CD9: variants seen among roughly 807,000 people sequenced by gnomAD.
The protein encoded by CD9 is CD9 antigen.
CD9 carries 10 observed loss-of-function variants against 31.4 expected under a neutral mutation model. That is an observed-to-expected ratio of 0.32 (90% CI 0.20 to 0.54). CD9 has a LOEUF of 0.54. CD9 is among the 20% of genes least tolerant of loss of function. CD9 has a pLI of 0.94. For synonymous variants in CD9, 113 were observed against 114.1 expected, an observed-to-expected ratio of 0.99 and a Z score of 0.06; for missense variants, 259 against 300.1, an observed-to-expected ratio of 0.86 and a Z score of 1.01.
intron 2 of CD9, chr12:6,226,364 G>C (rs1450017078): frequency 1.3e-5 from 2 of 152,200 alleles, no homozygotes; most frequent in Admixed American, 1.3e-4. Flanking sequence ...CTTGGAGGTA[G>C]GAAACTTTTC....
In CD9 at chr12:6,232,430, A is replaced by G. The variant is rs1460802841; in HGVS notation, c.176-202A>G. 8.1e-6 allele frequency: 5 copies of G among 619,736 alleles called. No individual in the cohort carries two copies. Among genetic ancestry groups the G allele is most frequent in the South Asian group, 7.4e-5 (4 of 53,816 alleles). The allele number at this position is 619,736 out of a possible 1,614,324, so 38.4% of individuals were successfully genotyped here. ...GAGCTTGATGAAGCAGAGTCATGCA[A>G]GAGAGGCTGGTGGGAAGGAGACCTG... On this transcript the variant is annotated intron_variant, in intron 2 of 7. Transcript: ENST00000009180. This position sits in a 1 kb window ranked among gnomAD's most constrained non-coding sequence, Gnocchi z 4.8.
intron 3 of CD9, chr12:6,233,125 C>T (rs1946472361): frequency 1.4e-6 from 1 of 694,930 alleles, no homozygotes; most frequent in Non-Finnish European, 2.6e-6. Context: ...ATAGTAGTTG[C>T]CTGCTCACTG....
chr12:6,236,604 C>A, intron 7 of CD9: 1 of 437,194 alleles, frequency 2.3e-6, no homozygotes, highest in Admixed American at 3.9e-5. Context: ...TGCTGTTCTT[C>A]TCCCTAAGAA....
chr12:6,213,822 C>T (rs1056135975), intron 1 of CD9, among the ~76,000 whole-genome samples: 13 of 152,150 alleles, frequency 8.5e-5, no homozygotes, highest in Non-Finnish European at 1.5e-4. Flanking sequence ...GGAGAAGCTA[C>T]GGGCCAGCAT....
intron 1 of CD9, among the ~76,000 whole-genome samples, chr12:6,202,873 A>G (rs1256770897): frequency 6.6e-6 from 1 of 152,210 alleles, no homozygotes; most frequent in Non-Finnish European, 1.5e-5. Flanking sequence ...GCAGAGACAG[A>G]GCCAGTATTA....
chr12:6,208,347 G>T (rs1474557780), intron 1 of CD9, among the ~76,000 whole-genome samples: 2 of 152,148 alleles, frequency 1.3e-5, no homozygotes, highest in Non-Finnish European at 2.9e-5. Context: ...CCTCTCCTCG[G>T]AACTGAGCTT....
At chr12:6,204,451 T>C (rs1182619941) in intron 1 of CD9, among the ~76,000 whole-genome samples, 2 of 152,202 alleles carry the variant, frequency 1.3e-5, no homozygotes, top group African/African-American at 4.8e-5. Context: ...GCTTGAGTCC[T>C]CAGAACTTAG....
chr12:6,237,343 A>G (rs1284555582), intron 7 of CD9, among the ~76,000 whole-genome samples: 1 of 152,222 alleles, frequency 6.6e-6, no homozygotes, highest in Non-Finnish European at 1.5e-5. Context: ...GGATCGCACC[A>G]CAGCACTCTA....
chr12:6,207,475 G>C (rs893725678), intron 1 of CD9, among the ~76,000 whole-genome samples: 4 of 152,210 alleles, frequency 2.6e-5, no homozygotes, highest in African/African-American at 9.7e-5. Context: ...TGAGTGCTCT[G>C]TATTTCTAGT....
In CD9 at chr12:6,204,233, A is replaced by G. The variant is rs11064086; in HGVS notation, c.66+3668A>G. Among the ~76,000 whole-genome samples, 280 of 152,324 alleles carry G rather than the reference A, an allele frequency of 1.8e-3. 10 individuals carry two copies. In the East Asian group the frequency reaches 0.046, roughly 25 times the overall value. On this transcript the variant is annotated intron_variant, in intron 1 of 7. Coordinates refer to ENST00000009180, the MANE Select transcript of CD9 (RefSeq NM_001769.4). ...GTCTATGAACCCAACACCCCTACACATACCACATACAACAATAGAACTCTC... is the reference window on the plus strand; with the variant it reads ...GTCTATGAACCCAACACCCCTACACGTACCACATACAACAATAGAACTCTC...
intron 4 of CD9, 71 bp from the exon 5 acceptor site, chr12:6,235,158 C>T (rs1029194354): frequency 7.3e-6 from 8 of 1,089,886 alleles, no homozygotes; most frequent in African/African-American, 4.6e-5. Flanking sequence ...CAAGATGGAA[C>T]GCATAACATT....
In CD9 at chr12:6,225,019, C is replaced by T. The variant is rs41279078; in HGVS notation, c.67-407C>T. ...TTTATAGGCACATGTAAGCGTCTAG[C>T]TCTGTGTGCATCCCTAAACAGCATA... On this transcript the variant is annotated intron_variant, in intron 1 of 7. Coordinates refer to ENST00000009180, the MANE Select transcript of CD9 (RefSeq NM_001769.4). 31 of 170,670 alleles carry T rather than the reference C, an allele frequency of 1.8e-4. No individual in the cohort carries two copies. In the East Asian group the frequency reaches 3.2e-3, roughly 17 times the overall value. The allele number at this position is 170,670 out of a possible 1,614,324, so 10.6% of individuals were successfully genotyped here. A position where few individuals can be genotyped will look rare whatever the true frequency, so the allele number is the denominator to read the frequency against.
At chr12:6,226,570 T>C (rs1946369245) in intron 2 of CD9, among the ~76,000 whole-genome samples, 2 of 152,116 alleles carry the variant, frequency 1.3e-5, no homozygotes, top group African/African-American at 4.8e-5. Context: ...CTTTCCCACC[T>C]CTTGAACTGG....
rs564778796 is a variant in CD9, at chr12:6,218,360, T to C, written c.67-7066T>C. On this transcript the variant is annotated intron_variant, in intron 1 of 7. Transcript: ENST00000009180. ...TTTCTTTGCAGTAGGATTTGTCCCA[T>C]AGGCAAACTTGGCTTCTCCCACCCG... 8.7e-4 allele frequency among the ~76,000 whole-genome samples: 133 copies of C among 152,342 alleles called. 1 individual carries two copies. Among genetic ancestry groups the C allele is most frequent in the Middle Eastern group, 3.4e-3 (1 of 294 alleles).
Position 6,208,431 on chromosome 12 carries a change from A to T in CD9, c.66+7866A>T, listed in dbSNP as rs112742000. Among the ~76,000 whole-genome samples the T allele has an allele frequency of 3.9e-5, 6 of 152,304 alleles. 1 individual carries two copies. The highest frequency in any genetic ancestry group is 1.4e-4 in the African/African-American group (6 of 41,572). On this transcript the variant is annotated intron_variant, in intron 1 of 7. Transcript: ENST00000009180. ...GTGTTAGTCTCCAAGTTCAGAAACA[A>T]CACAATACATGGGTCATAGGAGAAG...
At chr12:6,217,944 G>A (rs886458077) in intron 1 of CD9, among the ~76,000 whole-genome samples, 3 of 152,182 alleles carry the variant, frequency 2.0e-5, no homozygotes, top group Non-Finnish European at 4.4e-5. Flanking sequence ...TAAAAAATGG[G>A]CTGGGTACAG....
Position 6,232,428 on chromosome 12 carries a change from C to T in CD9, c.176-204C>T, listed in dbSNP as rs1466536561. 1.6e-6 allele frequency: 1 copy of T among 618,866 alleles called. No homozygotes were observed. The highest frequency in any genetic ancestry group is 2.8e-5 in the East Asian group (1 of 36,124). 38.3% of individuals were successfully genotyped at this position (618,866 alleles called of 1,614,324 possible). On this transcript the variant is annotated intron_variant, in intron 2 of 7. Coordinates refer to ENST00000009180, the MANE Select transcript of CD9 (RefSeq NM_001769.4). This position sits in a 1 kb window ranked among gnomAD's most constrained non-coding sequence, Gnocchi z 4.8. ...GTGAGCTTGATGAAGCAGAGTCATG[C>T]AAGAGAGGCTGGTGGGAAGGAGACC... is the stretch of plus-strand genomic sequence containing the variant.
chr12:6,201,179 G>T (rs540795586), intron 1 of CD9, among the ~76,000 whole-genome samples: 1 of 152,328 alleles, frequency 6.6e-6, no homozygotes, highest in African/African-American at 2.4e-5. Flanking sequence ...GAACCTCGCA[G>T]GCCCCCGTTC....
In CD9 at chr12:6,207,951, G is replaced by A. The variant is rs180737571; in HGVS notation, c.66+7386G>A. 2.1e-3 allele frequency among the ~76,000 whole-genome samples: 325 copies of A among 152,278 alleles called. 1 individual carries two copies. Among genetic ancestry groups the A allele is most frequent in the African/African-American group, 7.2e-3 (301 of 41,548 alleles). On this transcript the variant is annotated intron_variant, in intron 1 of 7. Transcript: ENST00000009180. ...AGAAAAGTAACCCTTCAGGCCAGGC[G>A]CGGTGGCTCACGCCTATAATCCCAG...
Sources: gnomAD v4.1 joint callset for allele counts (sites outside exome capture counted in the v4.1 genomes callset) on GRCh38, gnomAD v4.1.1 for gene constraint, Gnocchi (gnomAD v3.1) non-coding constraint, MANE v1.5 for transcripts, NCBI Gene and HGNC (gene_info 2026-07-23, HGNC 2026-07-21) for gene names.